Variants in RPH3A observed in about 807,000 individuals in gnomAD.
RPH3A encodes rabphilin-3A.
In RPH3A, 48 loss-of-function variants were observed where a neutral mutation model predicts 102.2. The ratio of observed to expected loss-of-function variants is 0.47; its 90% confidence interval spans 0.37 to 0.60. The LOEUF is 0.60. Among genes scored for constraint, RPH3A ranks in the 20% least tolerant of loss-of-function variants. The pLI is 0.00. For synonymous variants in RPH3A, 310 were observed against 324.3 expected (o/e 0.96, Z 0.47); for missense variants, 781 against 910.1 (o/e 0.86, Z 1.83).
chr12:112,868,045 T>A (rs2042641429), intron 7 of RPH3A: 1 of 173,782 alleles, frequency 5.8e-6, no homozygotes, highest in Admixed American at 5.7e-5. Context: ...TTGGGGAAGT[T>A]GTAGGTAGAT....
At chr12:112,592,624 A>G (rs2039488011) in intron 1 of RPH3A, among the ~76,000 whole-genome samples, 1 of 152,212 alleles carries the variant, frequency 6.6e-6, no homozygotes, top group Admixed American at 6.5e-5. Context: ...TGGCTGCTGT[A>G]TTAATTTTTA....
At chr12:112,669,927 T>C (rs374567709) in intron 1 of RPH3A, among the ~76,000 whole-genome samples, 7 of 152,346 alleles carry the variant, frequency 4.6e-5, no homozygotes, top group African/African-American at 1.7e-4. Context: ...CATAATTTAT[T>C]TAATCAGTCT....
At chr12:112,750,047 C>T (rs1186995183) in intron 1 of RPH3A, among the ~76,000 whole-genome samples, 1 of 152,144 alleles carries the variant, frequency 6.6e-6, no homozygotes, top group African/African-American at 2.4e-5. Context: ...GGCCTCCTTT[C>T]TCCTTCACAC....
In RPH3A at chr12:112,791,961, C is replaced by G. The variant is rs1162363769; in HGVS notation, c.-191C>G. 2.1e-5 allele frequency: 3 copies of G among 143,514 alleles called. No homozygotes were observed. Among genetic ancestry groups the G allele is most frequent in the Non-Finnish European group, 3.0e-5 (2 of 66,876 alleles). The allele number at this position is 143,514 out of a possible 1,614,324, so 8.9% of individuals were successfully genotyped here. A position where few individuals can be genotyped will look rare whatever the true frequency, so the allele number is the denominator to read the frequency against. ...AGGACAGTCTGAGGGAGCCACTGTC[C>G]CTTGTCCACTGACTCACTGGCTGGT... On this transcript the variant is annotated 5_prime_UTR_variant, in exon 1 of 22. Coordinates refer to ENST00000389385, the MANE Select transcript of RPH3A (RefSeq NM_001143854.2).
chr12:112,638,484 C>T (rs1439763456), intron 1 of RPH3A, among the ~76,000 whole-genome samples: 1 of 152,164 alleles, frequency 6.6e-6, no homozygotes, highest in Non-Finnish European at 1.5e-5. Flanking sequence ...GATGAATACT[C>T]CTATCTCTAA....
chr12:112,847,664 C>T, intron 4 of RPH3A, 32 bp from the exon 5 acceptor site: 1 of 1,604,518 alleles, frequency 6.2e-7, no homozygotes. Flanking sequence ...TATTTTCTGC[C>T]CACCCTCACA....
chr12:112,866,956 C>T (rs1173955897), intron 7 of RPH3A, 116 bp downstream of exon 7: 1 of 721,636 alleles, frequency 1.4e-6, no homozygotes, highest in Non-Finnish European at 2.4e-6. Flanking sequence ...ATTGACAGAA[C>T]AACCTCAGAG....
At chr12:112,584,587 C>G (rs2039425351) in intron 1 of RPH3A, among the ~76,000 whole-genome samples, 2 of 152,274 alleles carry the variant, frequency 1.3e-5, no homozygotes, top group South Asian at 4.1e-4. Flanking sequence ...CATTCCTGGG[C>G]GTGATGGCTC....
chr12:112,781,433 G>T (rs1394909312), intron 1 of RPH3A, among the ~76,000 whole-genome samples: 1 of 152,206 alleles, frequency 6.6e-6, no homozygotes, highest in Non-Finnish European at 1.5e-5. Context: ...CAGAAGACTT[G>T]CAGCTGATCT....
intron 2 of RPH3A, among the ~76,000 whole-genome samples, chr12:112,822,803 G>C (rs893042394): frequency 1.3e-5 from 2 of 152,244 alleles, no homozygotes; most frequent in African/African-American, 4.8e-5. Context: ...TCATAAGGCT[G>C]TTGTGAGGAT....
chr12:112,866,673 C>A, intron 6 of RPH3A, 84 bp from the exon 7 acceptor site: 2 of 1,106,722 alleles, frequency 1.8e-6, no homozygotes, highest in South Asian at 1.3e-5. Flanking sequence ...TCTTTACATC[C>A]ACCAAGAGAA....
chr12:112,851,950 A>C (rs1343184998), intron 5 of RPH3A, among the ~76,000 whole-genome samples: 1 of 152,226 alleles, frequency 6.6e-6, no homozygotes, highest in African/African-American at 2.4e-5. Context: ...CAATATAACA[A>C]ACCACCCAAA....
At chr12:112,799,472 A>C (rs941531668) in intron 2 of RPH3A, among the ~76,000 whole-genome samples, 6 of 152,182 alleles carry the variant, frequency 3.9e-5, no homozygotes, top group Non-Finnish European at 1.5e-5. Context: ...CTCCAAGCCA[A>C]ATGCTTGGAA....
chr12:112,862,834 C>T (rs191898661), intron 5 of RPH3A, among the ~76,000 whole-genome samples: 23 of 152,344 alleles, frequency 1.5e-4, no homozygotes, highest in African/African-American at 4.3e-4. Context: ...GCAGGAGCAA[C>T]GAGGGCCGTG....
intron 4 of RPH3A, among the ~76,000 whole-genome samples, chr12:112,846,382 A>G (rs1418269749): frequency 1.3e-5 from 2 of 152,150 alleles, no homozygotes; most frequent in African/African-American, 4.8e-5. Context: ...GTGTGTTTCC[A>G]CCAGAATTTC....
chr12:112,720,553 A>G (rs1342716239), intron 1 of RPH3A, among the ~76,000 whole-genome samples: 2 of 152,118 alleles, frequency 1.3e-5, no homozygotes, highest in African/African-American at 4.8e-5. Context: ...TGTGTAACAA[A>G]CCACCTCTAA....
At chr12:112,594,244 A>G (rs1310431243) in intron 1 of RPH3A, among the ~76,000 whole-genome samples, 1 of 152,112 alleles carries the variant, frequency 6.6e-6, no homozygotes, top group Non-Finnish European at 1.5e-5. Context: ...TTTCATTCAC[A>G]AACTACCCTC....
chr12:112,661,565 C>A (rs1301124349), intron 1 of RPH3A, among the ~76,000 whole-genome samples: 1 of 152,116 alleles, frequency 6.6e-6, no homozygotes, highest in Non-Finnish European at 1.5e-5. Context: ...GCAAAAATAG[C>A]AAGTAGAAAC....
chr12:112,866,655 G>C (rs2042615685), intron 6 of RPH3A, 102 bp from the exon 7 acceptor site: 1 of 911,334 alleles, frequency 1.1e-6, no homozygotes, highest in South Asian at 1.5e-5. Context: ...ATGGAAGCAA[G>C]TTCTTCCTCT....
Sources: gnomAD v4.1 joint callset for allele counts (sites outside exome capture counted in the v4.1 genomes callset) on GRCh38, gnomAD v4.1.1 for gene constraint, MANE v1.5 for transcripts, NCBI Gene and HGNC (gene_info 2026-07-23, HGNC 2026-07-21) for gene names.